Variants in CDK14 observed in about 807,000 individuals in gnomAD.
CDK14 encodes cyclin-dependent kinase 14.
A neutral mutation model predicts 60.7 loss-of-function variants in CDK14; 34 were observed. The ratio of observed to expected loss-of-function variants is 0.56; its 90% CI spans 0.43 to 0.75. The LOEUF (loss-of-function observed/expected upper bound fraction) is 0.75. Ranked by LOEUF, CDK14 falls within the 30% of genes least tolerant of loss-of-function variation. The pLI, the probability that CDK14 is intolerant of heterozygous loss-of-function variation, is 0.00. For synonymous variants in CDK14, 197 were observed against 203.7 expected, an observed-to-expected ratio of 0.97 and a Z score of 0.28; for missense variants, 482 against 564.1, an observed-to-expected ratio of 0.85 and a Z score of 1.47.
In CDK14 at chr7:91,003,914, C is replaced by T. The variant is rs779538568; in HGVS notation, c.1041+19673C>T. Reference sequence around the variant, plus strand: ...TAAAATGTCAGATTATGCTGGTCCCCGTGTATCACCCTTTGATAACTTGCA... The same window carrying T: ...TAAAATGTCAGATTATGCTGGTCCCTGTGTATCACCCTTTGATAACTTGCA... On this transcript the variant is annotated intron_variant, in intron 10 of 14. Transcript: ENST00000380050. Among the ~76,000 whole-genome samples, 29 of 152,166 alleles carry T rather than the reference C, an allele frequency of 1.9e-4. No individual in the cohort carries two copies. The South Asian group carries it at 2.3e-3, about 12-fold the overall frequency.
At chr7:90,767,473 T>C (rs550470365) in intron 4 of CDK14, among the ~76,000 whole-genome samples, 13 of 152,312 alleles carry the variant, frequency 8.5e-5, no homozygotes, top group African/African-American at 3.1e-4. Flanking sequence ...TTTCCCCCCT[T>C]GTTTCACCTA....
At chr7:90,600,664 T>C (rs1038142466) in intron 1 of CDK14, among the ~76,000 whole-genome samples, 2 of 152,086 alleles carry the variant, frequency 1.3e-5, no homozygotes, top group African/African-American at 4.8e-5. Context: ...AAGAGAAATA[T>C]AAGGTTAAAT....
chr7:90,975,622 A>T (rs1380288204), intron 9 of CDK14, among the ~76,000 whole-genome samples: 1 of 152,038 alleles, frequency 6.6e-6, no homozygotes, highest in Non-Finnish European at 1.5e-5. Context: ...TTGGTATAAG[A>T]CACTAGAACT....
intron 2 of CDK14, among the ~76,000 whole-genome samples, chr7:90,633,936 A>G (rs112135977): frequency 0.014 from 2,104 of 152,278 alleles, 19 homozygotes; most frequent in Middle Eastern, 0.027. Context: ...ATATATTTGT[A>G]CTTTGTTAAA....
At chr7:90,639,702 T>A (rs1192196487) in intron 2 of CDK14, among the ~76,000 whole-genome samples, 1 of 146,770 alleles carries the variant, frequency 6.8e-6, no homozygotes, top group Admixed American at 6.9e-5. Context: ...TTTTTGTTTG[T>A]CTGTGCCCTG....
Position 91,114,098 on chromosome 7 carries a change from G to A in CDK14, c.1294+1417G>A, listed in dbSNP as rs371652293. 5.6e-4 allele frequency among the ~76,000 whole-genome samples: 85 copies of A among 152,118 alleles called. No homozygotes were observed. The South Asian group carries it at 0.017, about 30-fold the overall frequency. On this transcript the variant is annotated intron_variant, in intron 13 of 14. Transcript: ENST00000380050. ...GCTGTAAATAGGCTCACTAGTTTAC[G>A]GCTCATCACACTCAAACATATGGTT... is the stretch of plus-strand genomic sequence containing the variant.
intron 6 of CDK14, among the ~76,000 whole-genome samples, chr7:90,893,739 T>C (rs1792210820): frequency 6.6e-6 from 1 of 152,212 alleles, no homozygotes; most frequent in South Asian, 2.1e-4. Context: ...ACAAACTGTT[T>C]TTAGTTTAGG....
intron 2 of CDK14, among the ~76,000 whole-genome samples, chr7:90,681,797 T>C (rs1461066521): frequency 6.6e-6 from 1 of 152,180 alleles, no homozygotes; most frequent in African/African-American, 2.4e-5. Flanking sequence ...TGAAACCTGA[T>C]ACTGGAATTT....
chr7:90,717,886 A>G (rs1802308474), intron 2 of CDK14, among the ~76,000 whole-genome samples: 1 of 152,118 alleles, frequency 6.6e-6, no homozygotes. Flanking sequence ...CACTCTGGTC[A>G]TGGAAATACA....
intron 12 of CDK14, among the ~76,000 whole-genome samples, chr7:91,094,843 C>T (rs1798934342): frequency 6.6e-6 from 1 of 152,156 alleles, no homozygotes; most frequent in Non-Finnish European, 1.5e-5. Context: ...CCTTCATTAG[C>T]ACCCAACCCC....
intron 2 of CDK14, among the ~76,000 whole-genome samples, chr7:90,689,664 A>C (rs1801513851): frequency 6.6e-6 from 1 of 152,302 alleles, no homozygotes; most frequent in African/African-American, 2.4e-5. Flanking sequence ...AAGGGTAAGA[A>C]ATACATGACT....
At chr7:91,109,192 T>TA (rs1289867507) in intron 12 of CDK14, among the ~76,000 whole-genome samples, 1 of 152,168 alleles carries the variant, frequency 6.6e-6, no homozygotes, top group Non-Finnish European at 1.5e-5. Flanking sequence ...AGCAGAAATG[T>TA]AATATTTTTT....
In CDK14 at chr7:90,629,754, C is replaced by T. The variant is rs566392799; in HGVS notation, c.123+25505C>T. Reference sequence around the variant, plus strand: ...ACCAAAAACCTAACTTGGCTGGGTGCGGTGGCTCACACCTGTAATCTCAGT... The same window carrying T: ...ACCAAAAACCTAACTTGGCTGGGTGTGGTGGCTCACACCTGTAATCTCAGT... On this transcript the variant is annotated intron_variant, in intron 2 of 14. Transcript: ENST00000380050. 1.7e-3 allele frequency among the ~76,000 whole-genome samples: 266 copies of T among 152,232 alleles called. 1 individual carries two copies. Among genetic ancestry groups the T allele is most frequent in the Middle Eastern group, 3.4e-3 (1 of 294 alleles).
At chr7:90,801,530 T>A (rs756654224) in intron 5 of CDK14, among the ~76,000 whole-genome samples, 2 of 152,182 alleles carry the variant, frequency 1.3e-5, no homozygotes, top group African/African-American at 2.4e-5. Flanking sequence ...AGAACTGATA[T>A]AATGGAGACC....
chr7:90,740,520 AGG>A, intron 3 of CDK14, among the ~76,000 whole-genome samples: 1 of 152,116 alleles, frequency 6.6e-6, no homozygotes, highest in African/African-American at 2.4e-5. Flanking sequence ...CATCAACCAG[AGG>A]GAAGGCCATG....
intron 14 of CDK14, among the ~76,000 whole-genome samples, chr7:91,186,163 C>T (rs1802177941): frequency 4.5e-5 from 1 of 22,356 alleles, no homozygotes; most frequent in Admixed American, 3.7e-4. Flanking sequence ...CTCCCCTCCC[C>T]TCTCCTCTCC....
chr7:91,166,567 T>A (rs1449279682), intron 14 of CDK14, among the ~76,000 whole-genome samples: 2 of 152,352 alleles, frequency 1.3e-5, no homozygotes, highest in South Asian at 2.1e-4. Context: ...TTTTTAAATG[T>A]GTTTAACCTA....
At chr7:91,060,584 G>A (rs909147253) in intron 11 of CDK14, among the ~76,000 whole-genome samples, 1 of 152,162 alleles carries the variant, frequency 6.6e-6, no homozygotes, top group South Asian at 2.1e-4. Context: ...AGCTCTTTTA[G>A]GGCAGGCCTG....
chr7:90,626,848 G>A (rs567608610), intron 2 of CDK14, among the ~76,000 whole-genome samples: 2 of 151,028 alleles, frequency 1.3e-5, no homozygotes, highest in East Asian at 2.0e-4. Flanking sequence ...GTTGAGGTGG[G>A]ACGATCACTT....
Sources: allele counts gnomAD v4.1 joint callset (sites outside exome capture counted in the v4.1 genomes callset), GRCh38; gene constraint gnomAD v4.1.1; transcripts MANE v1.5; gene names NCBI Gene and HGNC (gene_info 2026-07-23, HGNC 2026-07-21).